The following C9 variants were observed in gnomAD, a reference collection of about 807,000 sequenced individuals.
C9 encodes the protein complement component C9.
C9 carries 63 observed loss-of-function variants against 65.4 expected under a neutral mutation model. That is an observed-to-expected ratio of 0.96 (90% CI 0.79 to 1.19). The LOEUF (loss-of-function observed/expected upper bound fraction) is 1.19, where lower values mean the gene tolerates loss of function less well. C9 is among the 50% of genes most tolerant of loss of function. C9 has a pLI of 0.00. For missense variants in C9, 744 were observed against 670.1 expected (o/e 1.11, Z -1.22); for synonymous variants, 229 against 227.9 (o/e 1.00, Z -0.04).
chr5:39,331,055 T>C (rs1373221182), intron 5 of C9, among the ~76,000 whole-genome samples: 1 of 152,198 alleles, frequency 6.6e-6, no homozygotes. Flanking sequence ...CATTATATTT[T>C]GCTTGGAACA....
intron 6 of C9, among the ~76,000 whole-genome samples, chr5:39,315,095 A>G (rs376487772): frequency 6.6e-6 from 1 of 152,190 alleles, no homozygotes; most frequent in Non-Finnish European, 1.5e-5. Flanking sequence ...ATACAAAACA[A>G]TTACATAGTT....
At chr5:39,323,668 A>G (rs1373734483) in intron 5 of C9, among the ~76,000 whole-genome samples, 3 of 151,912 alleles carry the variant, frequency 2.0e-5, no homozygotes, top group Non-Finnish European at 4.4e-5. Context: ...GAAGGAATGT[A>G]TCTCGACATA....
chr5:39,351,959 A>T (rs1754331871), intron 1 of C9, among the ~76,000 whole-genome samples: 1 of 152,186 alleles, frequency 6.6e-6, no homozygotes, highest in African/African-American at 2.4e-5. Flanking sequence ...TCACATGGCT[A>T]TAAAGAACTA....
chr5:39,286,955 A>G (rs574524260), intron 10 of C9, among the ~76,000 whole-genome samples: 2 of 151,986 alleles, frequency 1.3e-5, no homozygotes, highest in Non-Finnish European at 2.9e-5. Context: ...GAGGCTGTGA[A>G]CTTTGGCTAC....
intron 1 of C9, among the ~76,000 whole-genome samples, chr5:39,351,429 A>G (rs574590822): frequency 5.8e-4 from 88 of 152,254 alleles, no homozygotes; most frequent in African/African-American, 2.0e-3. Flanking sequence ...TTTCTACCTT[A>G]TGGTCAGGCT....
intron 4 of C9, among the ~76,000 whole-genome samples, 180 bp from the exon 5 acceptor site, chr5:39,331,994 A>G (rs1322497342): frequency 6.6e-6 from 1 of 152,214 alleles, no homozygotes; most frequent in Admixed American, 6.5e-5. Flanking sequence ...TCTGGCAGAA[A>G]GCATACCTTA....
chr5:39,341,018 T>C (rs1579870401), intron 4 of C9, 128 bp downstream of exon 4: 2 of 1,065,614 alleles, frequency 1.9e-6, no homozygotes, highest in East Asian at 4.8e-5. Flanking sequence ...AGTTCAAAAA[T>C]AATACAGACC....
chr5:39,358,103 C>G (rs997680467), intron 1 of C9, among the ~76,000 whole-genome samples: 1 of 152,142 alleles, frequency 6.6e-6, no homozygotes, highest in Non-Finnish European at 1.5e-5. Context: ...TCTGACTACA[C>G]CTATGTGGGA....
intron 1 of C9, among the ~76,000 whole-genome samples, chr5:39,348,615 A>T (rs940944362): frequency 1.3e-5 from 2 of 152,176 alleles, no homozygotes; most frequent in African/African-American, 4.8e-5. Context: ...CAGTGTGGCG[A>T]TTCCTCAGGG....
At chr5:39,329,607 C>T (rs912883002) in intron 5 of C9, among the ~76,000 whole-genome samples, 9 of 152,054 alleles carry the variant, frequency 5.9e-5, no homozygotes, top group African/African-American at 2.2e-4. Context: ...TAGGTGCATT[C>T]CCATGTTATG....
At chr5:39,315,457 T>C (rs1753552565) in intron 6 of C9, among the ~76,000 whole-genome samples, 1 of 152,188 alleles carries the variant, frequency 6.6e-6, no homozygotes, top group South Asian at 2.1e-4. Flanking sequence ...ACCAGAATTC[T>C]TCAGTATAAT....
At chr5:39,347,233 T>A (rs1168358863) in intron 1 of C9, among the ~76,000 whole-genome samples, 1 of 152,202 alleles carries the variant, frequency 6.6e-6, no homozygotes, top group Non-Finnish European at 1.5e-5. Flanking sequence ...AGTCAAATTG[T>A]CCCTGTTTGC....
Position 39,316,979 on chromosome 5 carries a change from TC to T in C9, c.616-951del, listed in dbSNP as rs1484178921. Among the ~76,000 whole-genome samples, 13 of 152,340 alleles carry T rather than the reference TC, an allele frequency of 8.5e-5. No homozygotes were observed. In the South Asian group the frequency reaches 2.5e-3, roughly 29 times the overall value. ...ACACCCACCAACACTGTAAAAGCGT[TC>T]CTTTTCCTCTATAACCTTGCCAACA... On this transcript the variant is annotated intron_variant, in intron 5 of 10. Transcript: ENST00000263408.
intron 6 of C9, among the ~76,000 whole-genome samples, chr5:39,312,443 T>TGA (rs1449029586): frequency 1.3e-5 from 2 of 152,196 alleles, no homozygotes; most frequent in Non-Finnish European, 2.9e-5. Context: ...GAATAATACT[T>TGA]GACAGCATTG....
chr5:39,289,801 A>C (rs1233752669), intron 9 of C9, among the ~76,000 whole-genome samples: 1 of 151,868 alleles, frequency 6.6e-6, no homozygotes, highest in Non-Finnish European at 1.5e-5. Flanking sequence ...TATGTAAATT[A>C]TATCTCCATT....
intron 10 of C9, among the ~76,000 whole-genome samples, chr5:39,285,899 A>C (rs915405871): frequency 6.6e-6 from 1 of 152,084 alleles, no homozygotes; most frequent in Non-Finnish European, 1.5e-5. Context: ...ACGGTTTTCA[A>C]TCTCATCATG....
intron 1 of C9, among the ~76,000 whole-genome samples, chr5:39,349,977 C>T (rs866556029): frequency 6.6e-6 from 1 of 152,026 alleles, no homozygotes; most frequent in African/African-American, 2.4e-5. Flanking sequence ...ATGCTAATGA[C>T]ACTGTATTAA....
At chr5:39,361,464 G>A (rs993981640) in intron 1 of C9, among the ~76,000 whole-genome samples, 2 of 152,202 alleles carry the variant, frequency 1.3e-5, no homozygotes, top group Non-Finnish European at 2.9e-5. Context: ...AAAAGGTAAT[G>A]ATAGCTACAC....
At chr5:39,338,004 C>T (rs992395664) in intron 4 of C9, among the ~76,000 whole-genome samples, 11 of 152,156 alleles carry the variant, frequency 7.2e-5, no homozygotes, top group African/African-American at 2.4e-4. Context: ...ACTCCTATTA[C>T]CTCTATTTCA....
Sources: gnomAD v4.1 joint callset for allele counts (sites outside exome capture counted in the v4.1 genomes callset) on GRCh38, gnomAD v4.1.1 for gene constraint, MANE v1.5 for transcripts, NCBI Gene and HGNC (gene_info 2026-07-23, HGNC 2026-07-21) for gene names.